Variants in DNAI7 observed in about 807,000 individuals in gnomAD.
DNAI7 encodes cancer susceptibility 1.
In DNAI7, 78 loss-of-function variants were observed where a neutral mutation model predicts 86.6. The ratio of observed to expected loss-of-function variants is 0.90; its 90% CI spans 0.75 to 1.09. The LOEUF (loss-of-function observed/expected upper bound fraction) is 1.09, where lower values mean the gene tolerates loss of function less well. DNAI7 is among the 50% of genes least tolerant of loss of function. DNAI7 has a pLI of 0.00. For missense variants in DNAI7, 753 were observed against 810.2 expected (o/e 0.93, Z 0.86); for synonymous variants, 274 against 273.0 (o/e 1.00, Z -0.04).
chr12:25,136,564 C>A (rs1943577023), intron 9 of DNAI7, among the ~76,000 whole-genome samples: 1 of 152,188 alleles, frequency 6.6e-6, no homozygotes, highest in South Asian at 2.1e-4. Flanking sequence ...TGAAAAAAAT[C>A]TCTGAATTGC....
At chr12:25,187,939 A>C (rs1950185108) in intron 2 of DNAI7, among the ~76,000 whole-genome samples, 1 of 152,204 alleles carries the variant, frequency 6.6e-6, no homozygotes, top group Non-Finnish European at 1.5e-5. Context: ...CAACTCTGAC[A>C]CTGGTAGAAG....
chr12:25,144,542 T>TG lies in DNAI7; in HGVS notation c.824dup (p.Ser276IlefsTer10). ...TTACTGCAGAAGTGTATTCTTTTGA[T>TG]GGTGTTGAAACAGGGTGCAGTGCAG... On this transcript the variant is annotated frameshift_variant, in exon 9 of 16. Transcript: ENST00000395987. LOFTEE classifies it high-confidence loss of function. 6.2e-7 allele frequency: 1 copy of TG among 1,614,150 alleles called. No individual in the cohort carries two copies. The highest frequency in any genetic ancestry group is 8.5e-7 in the Non-Finnish European group (1 of 1,180,016).
downstream of DNAI7, among the ~76,000 whole-genome samples, chr12:25,107,408 G>A (rs1311292500): frequency 6.6e-6 from 1 of 152,068 alleles, no homozygotes; most frequent in Non-Finnish European, 1.5e-5. Flanking sequence ...ATCCACTGGA[G>A]GTCTTGGAGC....
downstream of DNAI7, chr12:25,107,702 A>G: frequency 1.1e-6 from 1 of 940,240 alleles, no homozygotes; most frequent in Admixed American, 2.2e-5. Context: ...TATGTAGATT[A>G]AAAGGCAGTT....
intron 6 of DNAI7, among the ~76,000 whole-genome samples, chr12:25,152,224 T>C (rs757592647): frequency 6.6e-6 from 1 of 152,224 alleles, no homozygotes; most frequent in Non-Finnish European, 1.5e-5. Flanking sequence ...TTTATGCTAA[T>C]ATGATGAGTC....
At chr12:25,148,152 C>A (rs540067069) in intron 7 of DNAI7, among the ~76,000 whole-genome samples, 2 of 152,206 alleles carry the variant, frequency 1.3e-5, no homozygotes, top group Non-Finnish European at 2.9e-5. Context: ...GTGTTCAGGA[C>A]AATTGTCTTG....
At chr12:25,166,264 T>C (rs55931364) in intron 2 of DNAI7, among the ~76,000 whole-genome samples, 6,391 of 152,148 alleles carry the variant, frequency 0.042, 447 homozygotes, top group African/African-American at 0.14. Flanking sequence ...CCAGACAAGG[T>C]TTACAGGTTA....
intron 4 of DNAI7, among the ~76,000 whole-genome samples, chr12:25,157,149 G>A (rs931901169): frequency 1.3e-5 from 2 of 151,886 alleles, no homozygotes; most frequent in Non-Finnish European, 2.9e-5. Flanking sequence ...GCAGTGGCGG[G>A]TGCCTGTAGT....
intron 4 of DNAI7, 40 bp downstream of exon 4, chr12:25,158,432 G>T: frequency 1.3e-6 from 2 of 1,482,472 alleles, no homozygotes; most frequent in Non-Finnish European, 1.9e-6. Flanking sequence ...GATAGCCATA[G>T]TTTAAGTATT....
chr12:25,140,277 A>G (rs1354274140), intron 9 of DNAI7, among the ~76,000 whole-genome samples: 1 of 152,140 alleles, frequency 6.6e-6, no homozygotes, highest in Non-Finnish European at 1.5e-5. Context: ...TGATGATATG[A>G]CTGTACACCT....
At chr12:25,148,023 T>C (rs1858309792) in intron 7 of DNAI7, among the ~76,000 whole-genome samples, 1 of 152,218 alleles carries the variant, frequency 6.6e-6, no homozygotes, top group South Asian at 2.1e-4. Flanking sequence ...TTTGAATAAG[T>C]AAATATGTGG....
chr12:25,173,001 T>C (rs1332121197), intron 2 of DNAI7, among the ~76,000 whole-genome samples: 9 of 152,152 alleles, frequency 5.9e-5, no homozygotes, highest in Admixed American at 3.9e-4. Flanking sequence ...ATAAAAATTC[T>C]AGATGATAAC....
chr12:25,158,629 A>G, intron 3 of DNAI7, 66 bp from the exon 4 acceptor site: 1 of 1,534,762 alleles, frequency 6.5e-7, no homozygotes, highest in South Asian at 1.2e-5. Context: ...CCTTAAAATT[A>G]CTCCTAATAT....
At chr12:25,194,872 T>C (rs772900663) in intron 1 of DNAI7, 5 of 1,612,938 alleles carry the variant, frequency 3.1e-6, no homozygotes, top group Non-Finnish European at 4.2e-6. Flanking sequence ...CAGAAACTGG[T>C]TTGGGACTCC....
chr12:25,112,399 G>GTTTTTTTTTTTTTTTTTTTTTTTTTTTTT (rs10602859), intron 13 of DNAI7, among the ~76,000 whole-genome samples: 1 of 104,298 alleles, frequency 9.6e-6, no homozygotes, highest in African/African-American at 4.4e-5. Context: ...TTCACATCTG[G>GTTTTTTTTTTTTTTTTTTTTTTTTTTTTT]TTTTTTTTTT....
intron 10 of DNAI7, among the ~76,000 whole-genome samples, chr12:25,122,370 T>C (rs894258752): frequency 2.7e-5 from 4 of 146,480 alleles, no homozygotes; most frequent in Non-Finnish European, 5.9e-5. Context: ...GGTAGGAGAA[T>C]TACTGGAGCC....
At position 25,169,900 on chromosome 12, in the gene DNAI7, C is replaced by T. The variant is rs542792318; in HGVS notation, c.22-8703G>A. ...ATACAGAACCACAGATGGATAAGAA[C>T]TCCCCAATCAACTATCTGCTGCCTT... On this transcript the variant is annotated intron_variant, in intron 2 of 15. Transcript: ENST00000395987. 6.0e-5 allele frequency among the ~76,000 whole-genome samples: 9 copies of T among 150,400 alleles called. 1 individual carries two copies. In the South Asian group the frequency reaches 8.5e-4, roughly 14 times the overall value.
At chr12:25,141,689 G>GCGTGGTGGCA (rs1944202415) in intron 9 of DNAI7, among the ~76,000 whole-genome samples, 2 of 152,112 alleles carry the variant, frequency 1.3e-5, no homozygotes, top group Non-Finnish European at 2.9e-5. Context: ...AATTAGCCAG[G>GCGTGGTGGCA]CGTGGTGGCA....
At chr12:25,112,386 G>T (rs951155337) in intron 13 of DNAI7, among the ~76,000 whole-genome samples, 1 of 145,714 alleles carries the variant, frequency 6.9e-6, no homozygotes, top group South Asian at 2.2e-4. Context: ...AAGGTGTATA[G>T]AATTCACATC....
Sources: gnomAD v4.1 joint callset for allele counts (sites outside exome capture counted in the v4.1 genomes callset) on GRCh38, gnomAD v4.1.1 for gene constraint, MANE v1.5 for transcripts, NCBI Gene and HGNC (gene_info 2026-07-23, HGNC 2026-07-21) for gene names.